Variants in PLXDC2 observed in about 807,000 individuals in gnomAD.
PLXDC2 encodes plexin domain-containing protein 2.
A neutral mutation model predicts 68.9 loss-of-function variants in PLXDC2; 40 were observed. The observed-to-expected ratio is 0.58, with a 90% confidence interval of 0.45 to 0.76. The LOEUF (loss-of-function observed/expected upper bound fraction) is 0.76. Ranked by LOEUF, PLXDC2 falls within the 30% of genes least tolerant of loss-of-function variation. The pLI is 0.00. For synonymous variants in PLXDC2, 243 were observed against 234.2 expected, an observed-to-expected ratio of 1.04 and a Z score of -0.34; for missense variants, 644 against 661.9, an observed-to-expected ratio of 0.97 and a Z score of 0.30.
intron 1 of PLXDC2, among the ~76,000 whole-genome samples, chr10:19,835,096 C>T (rs1008086325): frequency 6.6e-6 from 1 of 152,186 alleles, no homozygotes; most frequent in Non-Finnish European, 1.5e-5. Context: ...CAGGGAACTG[C>T]CCTTGCCTGT....
intron 4 of PLXDC2, among the ~76,000 whole-genome samples, chr10:20,125,873 AAGG>A (rs1264551883): frequency 6.6e-6 from 1 of 151,708 alleles, no homozygotes; most frequent in Admixed American, 6.6e-5. Flanking sequence ...GTAAGACGGA[AAGG>A]AGAACTCAAA....
chr10:19,926,785 T>C (rs1344774075), intron 1 of PLXDC2, among the ~76,000 whole-genome samples: 1 of 152,158 alleles, frequency 6.6e-6, no homozygotes, highest in Non-Finnish European at 1.5e-5. Flanking sequence ...TAAGACACTC[T>C]ATGTGGTGTA....
chr10:19,841,030 A>G (rs1836894288), intron 1 of PLXDC2, among the ~76,000 whole-genome samples: 1 of 152,174 alleles, frequency 6.6e-6, no homozygotes, highest in Non-Finnish European at 1.5e-5. Flanking sequence ...GCTGTCTAGA[A>G]TAGGCATTGC....
intron 4 of PLXDC2, among the ~76,000 whole-genome samples, chr10:20,122,247 T>C (rs1015852064): frequency 1.3e-5 from 2 of 152,116 alleles, no homozygotes; most frequent in African/African-American, 4.8e-5. Context: ...TGGCTGTCAA[T>C]ACGCACCACA....
At chr10:20,177,199 G>T in intron 8 of PLXDC2, 105 bp downstream of exon 8, 1 of 1,338,648 alleles carries the variant, frequency 7.5e-7, no homozygotes, top group South Asian at 1.2e-5. Flanking sequence ...CATTATAATT[G>T]TGTTTGGCAT....
chr10:20,072,141 G>A (rs1419062985), intron 4 of PLXDC2, among the ~76,000 whole-genome samples: 1 of 151,902 alleles, frequency 6.6e-6, no homozygotes, highest in Non-Finnish European at 1.5e-5. Flanking sequence ...GAGGTCCAGA[G>A]TTTGGATCGC....
Position 20,279,747 on chromosome 10 carries a change from T to C in PLXDC2, c.1518T>C (p.Ser506=), listed in dbSNP as rs143290115. 44 of 1,614,026 alleles carry C rather than the reference T, an allele frequency of 2.7e-5. No individual in the cohort carries two copies. In the Admixed American group the frequency reaches 6.0e-4, roughly 22 times the overall value. The change falls in exon 14 of 14, where the codon TCT becomes TCC. Residue 506 remains serine (S), a synonymous_variant. Transcript: ENST00000377252. ...RWPAMKFRRG[S]GHPAYAEVEP... is the part of the protein sequence containing the mutation. ...CTGCGATGAAGTTTAGAAGAGGCTC[T>C]GGACATCCTGCCTATGCTGAAGTTG...
At chr10:20,149,918 A>G (rs527319952) in intron 6 of PLXDC2, among the ~76,000 whole-genome samples, 1 of 152,128 alleles carries the variant, frequency 6.6e-6, no homozygotes. Context: ...TGATTTACTT[A>G]TTCTTTTAAT....
At chr10:20,228,352 G>A (rs1318163081) in intron 12 of PLXDC2, among the ~76,000 whole-genome samples, 1 of 152,050 alleles carries the variant, frequency 6.6e-6, no homozygotes, top group East Asian at 1.9e-4. Flanking sequence ...CCTGAGCCCA[G>A]GAGCTTGAGA....
intron 2 of PLXDC2, among the ~76,000 whole-genome samples, chr10:20,044,102 T>A (rs889380861): frequency 8.3e-6 from 1 of 120,226 alleles, no homozygotes. Flanking sequence ...TCCCCTTCCT[T>A]CCTTCCTTCC....
At position 19,899,667 on chromosome 10, in the gene PLXDC2, G is replaced by A. The variant is rs1170942455; in HGVS notation, c.112+82476G>A. On this transcript the variant is annotated intron_variant, in intron 1 of 13. Coordinates refer to ENST00000377252, the MANE Select transcript of PLXDC2 (RefSeq NM_032812.9). ...ATCACTAAATTCTTATGGGGAAAAA[G>A]TGAAGTTGTAAAAATCTATAAATCA... Among the ~76,000 whole-genome samples the A allele has an allele frequency of 2.0e-5, 3 of 152,104 alleles. No individual in the cohort carries two copies. The East Asian group carries it at 5.8e-4, about 29-fold the overall frequency.
chr10:19,975,325 G>T (rs893191962), intron 1 of PLXDC2, among the ~76,000 whole-genome samples: 2 of 152,108 alleles, frequency 1.3e-5, no homozygotes, highest in Non-Finnish European at 2.9e-5. Flanking sequence ...GGGCATGGTG[G>T]CAGGTGCCTG....
At chr10:20,063,379 A>G (rs1836139278) in intron 3 of PLXDC2, among the ~76,000 whole-genome samples, 1 of 152,236 alleles carries the variant, frequency 6.6e-6, no homozygotes, top group African/African-American at 2.4e-5. Context: ...GTCCTAAAAC[A>G]AAAAGAAGTT....
At chr10:19,887,485 G>C (rs1267314480) in intron 1 of PLXDC2, among the ~76,000 whole-genome samples, 1 of 152,134 alleles carries the variant, frequency 6.6e-6, no homozygotes, top group African/African-American at 2.4e-5. Flanking sequence ...TCGCGCCACT[G>C]CTCTCCAGCC....
chr10:20,019,995 A>G (rs1307702581), intron 2 of PLXDC2, among the ~76,000 whole-genome samples: 1 of 151,492 alleles, frequency 6.6e-6, no homozygotes, highest in Non-Finnish European at 1.5e-5. Context: ...AAGAAAACAA[A>G]AATCTCTTTT....
At chr10:20,120,439 C>G (rs1265371469) in intron 4 of PLXDC2, among the ~76,000 whole-genome samples, 3 of 152,166 alleles carry the variant, frequency 2.0e-5, no homozygotes, top group Non-Finnish European at 4.4e-5. Flanking sequence ...AAAGGTTTCA[C>G]TGAATACTAA....
intron 2 of PLXDC2, among the ~76,000 whole-genome samples, chr10:20,016,693 T>C (rs767983026): frequency 6.6e-6 from 1 of 152,222 alleles, no homozygotes; most frequent in Non-Finnish European, 1.5e-5. Context: ...CCTTGTCTAC[T>C]ATAGTCCTCA....
chr10:19,911,107 C>T (rs1199283490), intron 1 of PLXDC2, among the ~76,000 whole-genome samples: 1 of 151,728 alleles, frequency 6.6e-6, no homozygotes, highest in African/African-American at 2.4e-5. Context: ...GACTTGCTCA[C>T]CAGGAAATGG....
At chr10:20,170,409 C>T (rs150892281) in intron 7 of PLXDC2, among the ~76,000 whole-genome samples, 8 of 152,226 alleles carry the variant, frequency 5.3e-5, no homozygotes, top group South Asian at 4.1e-4. Flanking sequence ...AGGATGATCT[C>T]GAACTCCTGA....
Sources: allele counts gnomAD v4.1 joint callset (sites outside exome capture counted in the v4.1 genomes callset), GRCh38; gene constraint gnomAD v4.1.1; transcripts MANE v1.5; gene names NCBI Gene and HGNC (gene_info 2026-07-23, HGNC 2026-07-21).